The following KDM1A variants were observed in gnomAD, a reference collection of about 807,000 sequenced individuals.
The protein encoded by KDM1A is lysine-specific histone demethylase 1A.
KDM1A carries 49 observed loss-of-function variants against 109.4 expected under a neutral mutation model. The observed-to-expected ratio is 0.45, with a 90% CI of 0.36 to 0.57. The LOEUF is 0.57. KDM1A is among the 20% of genes least tolerant of loss of function. The probability of loss-of-function intolerance (pLI) is 0.00; values close to 1 mark genes in which losing one functional copy is unlikely to be tolerated. For synonymous variants in KDM1A, 380 were observed against 415.4 expected, an observed-to-expected ratio of 0.91 and a Z score of 1.04; for missense variants, 668 against 1,116.6, an observed-to-expected ratio of 0.60 and a Z score of 5.73.
In KDM1A at chr1:23,079,957, C is replaced by T. The variant is rs1643570602; in HGVS notation, c.2170+290C>T. ...TCCACTCAGCCTGGAGGGATAGGCC[C>T]AGGGAGGCTTCCTACCAGGGGAAGC... On this transcript the variant is annotated intron_variant, in intron 18 of 20. Transcript: ENST00000400181. This position sits in a 1 kb window ranked among gnomAD's most constrained non-coding sequence, Gnocchi z 5.6. 6.6e-6 allele frequency among the ~76,000 whole-genome samples: 1 copy of T among 152,116 alleles called. No individual in the cohort carries two copies. The highest frequency in any genetic ancestry group is 1.5e-5 in the Non-Finnish European group (1 of 68,016).
At chr1:23,052,134 T>TC (rs1443520742) in intron 4 of KDM1A, among the ~76,000 whole-genome samples, 4 of 152,040 alleles carry the variant, frequency 2.6e-5, no homozygotes, top group Non-Finnish European at 5.9e-5. Flanking sequence ...TCTCTGTCTT[T>TC]TCTGATTCAC....
chr1:23,072,228 G>C (rs1375693844), intron 14 of KDM1A, 31 bp downstream of exon 14: 2 of 1,500,972 alleles, frequency 1.3e-6, no homozygotes, highest in Non-Finnish European at 1.8e-6. Context: ...AGTTCAGAGG[G>C]AGAGCTTTTA....
At chr1:23,046,890 A>G (rs1349756258) in intron 3 of KDM1A, among the ~76,000 whole-genome samples, 2 of 152,192 alleles carry the variant, frequency 1.3e-5, no homozygotes, top group Non-Finnish European at 2.9e-5. Flanking sequence ...GAATGTTTCA[A>G]AGACAACGTT....
At chr1:23,029,256 C>T (rs761799755) in intron 1 of KDM1A, among the ~76,000 whole-genome samples, 2 of 152,182 alleles carry the variant, frequency 1.3e-5, no homozygotes, top group Non-Finnish European at 2.9e-5. Context: ...AAATGTAAAA[C>T]ATTAGATATT....
chr1:23,023,907 T>A (rs1309948305), intron 1 of KDM1A, among the ~76,000 whole-genome samples: 1 of 152,236 alleles, frequency 6.6e-6, no homozygotes, highest in African/African-American at 2.4e-5. Flanking sequence ...TGGAGTGCAG[T>A]GGCTCAATCA....
At chr1:23,065,642 C>T (rs1569779254) in intron 9 of KDM1A, among the ~76,000 whole-genome samples, 1 of 152,082 alleles carries the variant, frequency 6.6e-6, no homozygotes, top group African/African-American at 2.4e-5. Context: ...AATGGTGTAC[C>T]GGAGATGCAG....
At chr1:23,070,713 C>T (rs1643292686) in intron 12 of KDM1A, among the ~76,000 whole-genome samples, 1 of 151,648 alleles carries the variant, frequency 6.6e-6, no homozygotes, top group Non-Finnish European at 1.5e-5. Flanking sequence ...GAAGCTGAGG[C>T]AGGAGAATGG....
rs772544963 is a variant in KDM1A at position 23,083,328 on chromosome 1, A to G, written c.2595A>G (p.Thr865=). The change falls in exon 21 of 21, where the codon ACA becomes ACG. Residue 865 remains threonine (T), a synonymous_variant. Transcript: ENST00000400181. ...GAMYTLPRQA[T]PGVPAQQSPS... ...TGTATACGCTGCCTCGCCAGGCCAC[A>G]CCAGGTGTTCCTGCACAGCAGTCCC... 18 of 1,613,746 alleles carry G rather than the reference A, an allele frequency of 1.1e-5. No homozygotes were observed. Among genetic ancestry groups the G allele is most frequent in the Non-Finnish European group, 1.5e-5 (18 of 1,179,968 alleles).
At chr1:23,042,553 C>T (rs1361204500) in intron 2 of KDM1A, among the ~76,000 whole-genome samples, 4 of 140,736 alleles carry the variant, frequency 2.8e-5, no homozygotes, top group East Asian at 2.1e-4. Context: ...CCCGGGTTCA[C>T]GCCATTCTCC....
chr1:23,078,074 T>C (rs1216696405), intron 16 of KDM1A, among the ~76,000 whole-genome samples: 2 of 152,222 alleles, frequency 1.3e-5, no homozygotes, highest in East Asian at 3.9e-4. Flanking sequence ...TATGACTATG[T>C]AGGCATGAGA....
rs1643058446 is a variant in KDM1A, at chr1:23,063,216, G to A, written c.1168-2844G>A. On this transcript the variant is annotated intron_variant, in intron 9 of 20. Coordinates refer to ENST00000400181, the MANE Select transcript of KDM1A (RefSeq NM_001009999.3). The stretch of plus-strand genomic sequence containing the variant: ...AGCATTGGGGGGGGGGTGTGGTGTG[G>A]GGTGGGTGTGTGTGGGTGTGTGTGT... Among the ~76,000 whole-genome samples, 2 of 38,714 alleles carry A rather than the reference G, an allele frequency of 5.2e-5. 1 individual carries two copies. The allele number at this position is 38,714 out of a possible 152,430, so 25.4% of individuals were successfully genotyped here.
chr1:23,071,724 C>T (rs1418590674), intron 13 of KDM1A, among the ~76,000 whole-genome samples: 1 of 152,174 alleles, frequency 6.6e-6, no homozygotes, highest in Admixed American at 6.5e-5. Flanking sequence ...TTAATTGCCT[C>T]ATCTGTAACA....
intron 16 of KDM1A, among the ~76,000 whole-genome samples, chr1:23,078,554 G>A (rs1643532610): frequency 6.6e-6 from 1 of 152,146 alleles, no homozygotes; most frequent in African/African-American, 2.4e-5. Context: ...GCATCCCCCA[G>A]ATCTGCATCA....
chr1:23,037,663 T>G (rs1293722095), intron 2 of KDM1A, among the ~76,000 whole-genome samples: 1 of 152,212 alleles, frequency 6.6e-6, no homozygotes. Flanking sequence ...TAAATAATGT[T>G]TCTCCCTAAA....
chr1:23,080,194 C>T (rs671419), intron 18 of KDM1A, among the ~76,000 whole-genome samples: 1,976 of 152,232 alleles, frequency 0.013, 52 homozygotes, highest in African/African-American at 0.044. Flanking sequence ...ATCAGCTAAC[C>T]GTTGGCTTGC....
intron 2 of KDM1A, among the ~76,000 whole-genome samples, chr1:23,032,320 A>AC (rs1642008456): frequency 6.8e-6 from 1 of 147,758 alleles, no homozygotes; most frequent in African/African-American, 2.5e-5. Flanking sequence ...AAAATTTTAA[A>AC]CCATGTGTTG....
intron 9 of KDM1A, among the ~76,000 whole-genome samples, chr1:23,061,109 C>T (rs1470507547): frequency 2.0e-5 from 3 of 152,150 alleles, no homozygotes; most frequent in African/African-American, 7.2e-5. Context: ...TGAGCTTTAG[C>T]GCATTTTTTA....
At chr1:23,056,940 G>A (rs1642847088) in intron 7 of KDM1A, among the ~76,000 whole-genome samples, 1 of 151,952 alleles carries the variant, frequency 6.6e-6, no homozygotes, top group Non-Finnish European at 1.5e-5. Flanking sequence ...GGGATAAAAG[G>A]TATTGTGAAC....
At chr1:23,052,051 T>C (rs1178189614) in intron 4 of KDM1A, among the ~76,000 whole-genome samples, 5 of 152,142 alleles carry the variant, frequency 3.3e-5, no homozygotes, top group Non-Finnish European at 5.9e-5. Context: ...AAATTGTCAT[T>C]TTTTTGTTTG....
Sources: allele counts gnomAD v4.1 joint callset (sites outside exome capture counted in the v4.1 genomes callset), GRCh38; gene constraint gnomAD v4.1.1; non-coding constraint Gnocchi (gnomAD v3.1); transcripts MANE v1.5; gene names NCBI Gene and HGNC (gene_info 2026-07-23, HGNC 2026-07-21).